The following TRIM6 variants were observed in gnomAD, a reference collection of about 807,000 sequenced individuals.
The protein encoded by TRIM6 is tripartite motif-containing protein 6.
A neutral mutation model predicts 51.2 loss-of-function variants in TRIM6; 43 were observed. That is an observed-to-expected ratio of 0.84 (90% CI 0.66 to 1.08). TRIM6 has a LOEUF of 1.08. Among genes scored for constraint, TRIM6 ranks in the 50% least tolerant of loss-of-function variants. The pLI is 0.00. For synonymous variants in TRIM6, 215 were observed against 232.4 expected (o/e 0.93, Z 0.68); for missense variants, 669 against 619.0 (o/e 1.08, Z -0.86).
intron 4 of TRIM6, among the ~76,000 whole-genome samples, chr11:5,606,493 CCTT>C (rs1848219416): frequency 1.3e-5 from 2 of 151,672 alleles, no homozygotes; most frequent in African/African-American, 4.8e-5. Flanking sequence ...TCCTCTTGCT[CCTT>C]CTTTCTTGGT....
Position 5,610,878 on chromosome 11 carries a change from T to G in TRIM6, c.1087T>G (p.Cys363Gly), listed in dbSNP as rs778062133. The change falls in exon 8 of 8, where the codon TGT (cysteine) becomes GGT (glycine). Residue 363 changes from cysteine to glycine, a missense_variant. Physicochemically the swap from Cys to Gly is radical, Grantham distance 159. Coordinates refer to ENST00000380097, the MANE Select transcript of TRIM6 (RefSeq NM_001003818.3). ...GGGAGCTAAAGTATCTGGACCTTCC[T>G]GTCTGGAAAAGCATTATGACTGTAG... ...FVGAKVSGPS[C>G]LEKHYDCSVL... 3.1e-6 allele frequency: 5 copies of G among 1,614,206 alleles called. No homozygotes were observed. Among genetic ancestry groups the G allele is most frequent in the Admixed American group, 1.7e-5 (1 of 60,020 alleles).
chr11:5,607,928 C>T (rs1848323269), intron 4 of TRIM6, among the ~76,000 whole-genome samples: 1 of 152,012 alleles, frequency 6.6e-6, no homozygotes, highest in South Asian at 2.1e-4. Flanking sequence ...TGGATGAAGT[C>T]AGCAAAGGTA....
intron 5 of TRIM6, among the ~76,000 whole-genome samples, chr11:5,609,791 C>T (rs537300261): frequency 2.6e-4 from 39 of 152,234 alleles, no homozygotes; most frequent in Admixed American, 2.2e-3. Context: ...GGCGTGGTGG[C>T]ACGCGCCTGT....
Position 5,603,703 on chromosome 11 carries a change from T to G in TRIM6, c.475T>G (p.Phe159Val), listed in dbSNP as rs1848015799. Residue 159 changes from phenylalanine (F) to valine (V), a missense_variant, in exon 2 of 8, where the codon TTC becomes GTC. Coordinates refer to ENST00000380097, the MANE Select transcript of TRIM6 (RefSeq NM_001003818.3). ...TCAGGAGCACCGTGGTCACCACACG[T>G]TCCTCGTGGAGGAGGTTGCCCAGGA... ...RSQEHRGHHT[F>V]LVEEVAQEYQ... 2 of 1,613,388 alleles carry G rather than the reference T, an allele frequency of 1.2e-6. No individual in the cohort carries two copies. Among genetic ancestry groups the G allele is most frequent in the African/African-American group, 2.7e-5 (2 of 74,844 alleles).
chr11:5,607,062 GGC>G lies in TRIM6; in HGVS notation c.835-1308_835-1307del, dbSNP rs1462552990. ...ACTAAAAACACAAAAAAATTAGCCGGGCGTGGTGGCGGGCGCCTGTAGTCCCA... is the reference window on the plus strand; with the variant it reads ...ACTAAAAACACAAAAAAATTAGCCGGGTGGTGGCGGGCGCCTGTAGTCCCA... On this transcript the variant is annotated intron_variant, in intron 4 of 7. Transcript: ENST00000380097. Among the ~76,000 whole-genome samples, 8 of 152,176 alleles carry G rather than the reference GGC, an allele frequency of 5.3e-5. No homozygotes were observed. The South Asian group carries it at 6.2e-4, about 12-fold the overall frequency.
intron 5 of TRIM6, among the ~76,000 whole-genome samples, chr11:5,608,869 GA>G (rs1848391055): frequency 4.9e-5 from 1 of 20,516 alleles, no homozygotes; most frequent in Non-Finnish European, 8.2e-5. Context: ...TTTTTTTTTT[GA>G]GACAGAGTTT....
At position 5,612,447 on chromosome 11, in the gene TRIM6, T is replaced by C. The variant is rs1848613238; in HGVS notation, c.*1105T>C. On this transcript the variant is annotated 3_prime_UTR_variant, in exon 8 of 8. Transcript: ENST00000380097. ...AATACGTCTTTCAAATTAATTGCAG[T>C]AAAAACAAAAGAGTAGTGGGGAGAG... 6.6e-6 allele frequency: 1 copy of C among 152,074 alleles called. No individual in the cohort carries two copies. Among genetic ancestry groups the C allele is most frequent in the African/African-American group, 2.4e-5 (1 of 41,410 alleles). The allele number at this position is 152,074 out of a possible 1,614,324, so 9.4% of individuals were successfully genotyped here.
chr11:5,609,285 C>G (rs1209376199), intron 5 of TRIM6, among the ~76,000 whole-genome samples: 1 of 152,122 alleles, frequency 6.6e-6, no homozygotes, highest in East Asian at 1.9e-4. Context: ...GTGAGGACAT[C>G]TTTTCTCCAG....
intron 1 of TRIM6, among the ~76,000 whole-genome samples, chr11:5,600,258 A>C (rs572982690): frequency 6.6e-6 from 1 of 152,338 alleles, no homozygotes; most frequent in East Asian, 1.9e-4. Context: ...CAGTTTATAC[A>C]ACTATGAGAT....
intron 2 of TRIM6, among the ~76,000 whole-genome samples, chr11:5,604,094 C>G (rs976565466): frequency 6.6e-6 from 1 of 152,114 alleles, no homozygotes; most frequent in Non-Finnish European, 1.5e-5. Context: ...CTCCCGGGTT[C>G]AAGCAGTTCT....
intron 3 of TRIM6, 49 bp downstream of exon 3, chr11:5,604,678 G>T (rs371737190): frequency 1.9e-6 from 3 of 1,585,738 alleles, no homozygotes; most frequent in Non-Finnish European, 1.7e-6. Context: ...ATCATGGCAG[G>T]TCATAGGAGC....
intron 4 of TRIM6, 53 bp downstream of exon 4, chr11:5,605,620 C>T: frequency 6.5e-7 from 1 of 1,532,542 alleles, no homozygotes; most frequent in Non-Finnish European, 8.7e-7. Flanking sequence ...GAGAAACTAA[C>T]TTTCCTTCCT....
chr11:5,610,710 C>T (rs528711020), intron 7 of TRIM6, 67 bp from the exon 8 acceptor site: 1 of 1,581,104 alleles, frequency 6.3e-7, no homozygotes, highest in East Asian at 2.2e-5. Flanking sequence ...TCCTGTGTTT[C>T]CTCTTCTCAG....
intron 1 of TRIM6, among the ~76,000 whole-genome samples, chr11:5,600,386 C>T (rs1016213274): frequency 2.0e-5 from 3 of 147,516 alleles, no homozygotes; most frequent in African/African-American, 8.1e-5. Flanking sequence ...CTGTGAGCAT[C>T]GCTGCTGCTA....
Position 5,611,424 on chromosome 11 carries a change from T to C in TRIM6, c.*82T>C, listed in dbSNP as rs1477301439. 1 of 1,175,562 alleles carries C rather than the reference T, an allele frequency of 8.5e-7. No homozygotes were observed. The highest frequency in any genetic ancestry group is 2.3e-5 in the East Asian group (1 of 42,646). The allele number at this position is 1,175,562 out of a possible 1,614,324, so 72.8% of individuals were successfully genotyped here. On this transcript the variant is annotated 3_prime_UTR_variant, in exon 8 of 8. Transcript: ENST00000380097. ...ATTCTCCCTTCTGATCTTCTGTTTT[T>C]CTGTGTTCTCAATTCTTTTGTTGTT...
At position 5,610,598 on chromosome 11, in the gene TRIM6, T is replaced by C. The variant is rs537421272; in HGVS notation, c.985+37T>C. 3.1e-5 allele frequency: 50 copies of C among 1,603,132 alleles called. 1 individual carries two copies. The South Asian group carries it at 5.4e-4, about 17-fold the overall frequency. ...CCATGGCCTCTTTGGGCTGGCACAT[T>C]CTGATCTCCTTTCACATGCCCTCCC... is the stretch of plus-strand genomic sequence containing the variant. On this transcript the variant is annotated intron_variant, in intron 7 of 7. Transcript: ENST00000380097.
intron 5 of TRIM6, 89 bp downstream of exon 5, chr11:5,608,483 A>T: frequency 6.3e-7 from 1 of 1,579,790 alleles, no homozygotes; most frequent in Non-Finnish European, 8.6e-7. Context: ...GAAGAATCAG[A>T]GTGGGGAAGA....
At chr11:5,600,775 C>A (rs1277107680) in intron 1 of TRIM6, among the ~76,000 whole-genome samples, 3 of 152,112 alleles carry the variant, frequency 2.0e-5, no homozygotes, top group Admixed American at 2.0e-4. Context: ...GCTCCCTACG[C>A]ACTGTGGCCT....
intron 4 of TRIM6, among the ~76,000 whole-genome samples, chr11:5,606,978 C>T (rs113093024): frequency 1.5e-4 from 23 of 151,960 alleles, no homozygotes; most frequent in African/African-American, 4.8e-4. Context: ...CCGAGGCAGG[C>T]GGATCATGAG....
Sources: gnomAD v4.1 joint callset for allele counts (sites outside exome capture counted in the v4.1 genomes callset) on GRCh38, gnomAD v4.1.1 for gene constraint, MANE v1.5 for transcripts, NCBI Gene and HGNC (gene_info 2026-07-23, HGNC 2026-07-21) for gene names.